Variants in TAB2 observed in about 807,000 individuals in gnomAD.
TAB2 encodes the protein TGF-beta-activated kinase 1 and MAP3K7-binding protein 2.
In TAB2, 3 loss-of-function variants were observed where a neutral mutation model predicts 65.0. The observed-to-expected ratio is 0.05, with a 90% CI of 0.02 to 0.12. The LOEUF is 0.12. Ranked by LOEUF, TAB2 falls within the 10% of genes least tolerant of loss-of-function variation. TAB2 has a pLI of 1.00. For synonymous variants in TAB2, 298 were observed against 285.1 expected, an observed-to-expected ratio of 1.05 and a Z score of -0.46; for missense variants, 623 against 840.3, an observed-to-expected ratio of 0.74 and a Z score of 3.20.
chr6:149,237,468 T>C (rs80189352), intron 1 of TAB2, among the ~76,000 whole-genome samples: 5,052 of 152,216 alleles, frequency 0.033, 274 homozygotes, highest in African/African-American at 0.11. Flanking sequence ...AGGTGCACCA[T>C]CTACTATGCA....
intron 1 of TAB2, among the ~76,000 whole-genome samples, chr6:149,362,390 T>C (rs1240725896): frequency 2.0e-5 from 3 of 152,022 alleles, no homozygotes; most frequent in Non-Finnish European, 4.4e-5. Flanking sequence ...ATAGAGCGGG[T>C]GCAAGAGACA....
At chr6:149,270,776 A>G (rs1778346792) in intron 1 of TAB2, among the ~76,000 whole-genome samples, 1 of 152,238 alleles carries the variant, frequency 6.6e-6, no homozygotes. Flanking sequence ...TCCGACGTAC[A>G]CATGGTCAAC....
intron 1 of TAB2, chr6:149,253,239 GTCTTCAGGATAAATTAT>G (rs1167111172): frequency 6.6e-6 from 1 of 152,240 alleles, no homozygotes; most frequent in Non-Finnish European, 1.5e-5. Flanking sequence ...ATTTGCTGGA[GTCTTCAGGATAAATTAT>G]TTCTTTCTTT....
At chr6:149,327,742 C>T (rs1779661291) in intron 1 of TAB2, among the ~76,000 whole-genome samples, 1 of 152,152 alleles carries the variant, frequency 6.6e-6, no homozygotes, top group Non-Finnish European at 1.5e-5. Flanking sequence ...GTACTGCTTG[C>T]CAACTCTTAG....
chr6:149,249,845 T>C (rs905284878), intron 1 of TAB2, among the ~76,000 whole-genome samples: 2 of 152,228 alleles, frequency 1.3e-5, no homozygotes, highest in Non-Finnish European at 2.9e-5. Context: ...AAGAGATGGA[T>C]AGACAACTAC....
intron 1 of TAB2, among the ~76,000 whole-genome samples, chr6:149,248,298 A>T (rs981629049): frequency 6.6e-6 from 1 of 152,134 alleles, no homozygotes; most frequent in Non-Finnish European, 1.5e-5. Context: ...AGGCTGAGGC[A>T]GGAGAATTGC....
chr6:149,241,988 G>A (rs946197841), intron 1 of TAB2, among the ~76,000 whole-genome samples: 9 of 152,112 alleles, frequency 5.9e-5, no homozygotes, highest in African/African-American at 2.2e-4. Context: ...CCTTCCCCAG[G>A]CTCTGGACTT....
intron 3 of TAB2, among the ~76,000 whole-genome samples, chr6:149,395,031 T>G (rs1304844217): frequency 3.3e-5 from 5 of 152,260 alleles, no homozygotes; most frequent in Non-Finnish European, 5.9e-5. Context: ...GGCCATAGTT[T>G]GCCTACCTGT....
intron 3 of TAB2, among the ~76,000 whole-genome samples, chr6:149,385,157 C>T (rs1372453132): frequency 6.6e-6 from 1 of 152,110 alleles, no homozygotes; most frequent in Non-Finnish European, 1.5e-5. Flanking sequence ...CCATTTTTCA[C>T]TAGTACATCT....
At chr6:149,281,954 A>G (rs1406813532) in intron 1 of TAB2, among the ~76,000 whole-genome samples, 1 of 152,308 alleles carries the variant, frequency 6.6e-6, no homozygotes, top group Non-Finnish European at 1.5e-5. Context: ...AAAAAATATG[A>G]TCAATTACAT....
intron 1 of TAB2, among the ~76,000 whole-genome samples, chr6:149,343,196 TCA>T (rs754585281): frequency 6.6e-6 from 1 of 152,176 alleles, no homozygotes; most frequent in Non-Finnish European, 1.5e-5. Flanking sequence ...TATAGGGAAT[TCA>T]GTTAATGAAA....
At chr6:149,235,912 G>A (rs894818825) in intron 1 of TAB2, among the ~76,000 whole-genome samples, 2 of 152,196 alleles carry the variant, frequency 1.3e-5, no homozygotes, top group Non-Finnish European at 2.9e-5. Context: ...TCAAACCCAG[G>A]CTGGCTCTAG....
In TAB2 at chr6:149,409,758, A is replaced by T. The variant is rs779160923; in HGVS notation, c.*39A>T. 6.2e-7 allele frequency: 1 copy of T among 1,613,196 alleles called. No individual in the cohort carries two copies. Among genetic ancestry groups the T allele is most frequent in the Non-Finnish European group, 8.5e-7 (1 of 1,179,236 alleles). On this transcript the variant is annotated 3_prime_UTR_variant, in exon 7 of 7. Transcript: ENST00000637181. ...GTATCTTCTCTAAAACCACATCTAA[A>T]GTTCAAGAAACTAGTCTGTCATCGG...
intron 3 of TAB2, among the ~76,000 whole-genome samples, chr6:149,387,085 A>G (rs1225716725): frequency 2.0e-5 from 3 of 152,060 alleles, no homozygotes; most frequent in Admixed American, 2.0e-4. Context: ...TCCTTTAAGC[A>G]CAAGTTTTTT....
intron 1 of TAB2, among the ~76,000 whole-genome samples, chr6:149,339,282 G>C (rs1318714373): frequency 2.6e-5 from 4 of 152,108 alleles, no homozygotes; most frequent in Admixed American, 2.6e-4. Flanking sequence ...AGAATCGCTT[G>C]AAGTGGGGTT....
At chr6:149,235,059 A>G (rs1777471587) in intron 1 of TAB2, among the ~76,000 whole-genome samples, 1 of 152,248 alleles carries the variant, frequency 6.6e-6, no homozygotes, top group Non-Finnish European at 1.5e-5. Context: ...TTTATAATTA[A>G]TAATAACTCC....
At chr6:149,288,456 T>A (rs1778716044) in intron 1 of TAB2, among the ~76,000 whole-genome samples, 1 of 152,108 alleles carries the variant, frequency 6.6e-6, no homozygotes, top group Non-Finnish European at 1.5e-5. Context: ...CCTGCCCATC[T>A]CCCAGCCCCC....
intron 1 of TAB2, among the ~76,000 whole-genome samples, chr6:149,349,126 G>GGGAA (rs1780402316): frequency 6.6e-6 from 1 of 151,838 alleles, no homozygotes. Flanking sequence ...GTGAGTTATT[G>GGGAA]TAAAGTAGTC....
At chr6:149,244,949 A>C (rs1748825501) in intron 1 of TAB2, 1 of 151,914 alleles carries the variant, frequency 6.6e-6, no homozygotes, top group Non-Finnish European at 1.5e-5. Context: ...AGATGTATTA[A>C]CTCATTTAAT....
Sources: gnomAD v4.1 joint callset for allele counts (sites outside exome capture counted in the v4.1 genomes callset) on GRCh38, gnomAD v4.1.1 for gene constraint, MANE v1.5 for transcripts, NCBI Gene and HGNC (gene_info 2026-07-23, HGNC 2026-07-21) for gene names.